Variants in TEX10 observed in about 807,000 individuals in gnomAD.
TEX10 encodes the protein testis expressed 10.
A neutral mutation model predicts 104.4 loss-of-function variants in TEX10; 24 were observed. The ratio of observed to expected loss-of-function variants is 0.23; its 90% CI spans 0.17 to 0.32. TEX10 has a LOEUF of 0.32. TEX10 is among the 10% of genes least tolerant of loss of function. TEX10 has a pLI of 1.00. For synonymous variants in TEX10, 396 were observed against 393.4 expected, an observed-to-expected ratio of 1.01 and a Z score of -0.08; for missense variants, 921 against 1,083.9, an observed-to-expected ratio of 0.85 and a Z score of 2.11.
chr9:100,327,645 T>A lies in TEX10; in HGVS notation c.1801+142A>T, dbSNP rs531155825. 3.5e-4 allele frequency: 164 copies of A among 472,372 alleles called. 1 individual carries two copies. Among genetic ancestry groups the A allele is most frequent in the African/African-American group, 2.8e-3 (141 of 50,270 alleles). The allele number at this position is 472,372 out of a possible 1,614,324, so 29.3% of individuals were successfully genotyped here. A position where few individuals can be genotyped will look rare whatever the true frequency, so the allele number is the denominator to read the frequency against. On this transcript the variant is annotated intron_variant, in intron 8 of 14. Coordinates refer to ENST00000374902, the MANE Select transcript of TEX10 (RefSeq NM_017746.4). ...TATTGAAAATGAATTTACTGTATGA[T>A]GTTTTGTTCTGGCAATTTAACCATG... is the stretch of plus-strand genomic sequence containing the variant.
chr9:100,334,234 G>A (rs1395469728), intron 5 of TEX10, among the ~76,000 whole-genome samples: 1 of 151,562 alleles, frequency 6.6e-6, no homozygotes. Flanking sequence ...TGCAGAAAAT[G>A]AAAGACAAGA....
At chr9:100,346,050 A>G (rs1405413696) in intron 4 of TEX10, 22 bp downstream of exon 4, 2 of 1,586,946 alleles carry the variant, frequency 1.3e-6, no homozygotes, top group Non-Finnish European at 1.7e-6. Flanking sequence ...TACTAAGAAA[A>G]TAAAGAACCA....
rs1835303535 is a variant in TEX10 at position 100,346,561 on chromosome 9, A to C, written c.893+133T>G. 4.6e-6 allele frequency: 5 copies of C among 1,079,162 alleles called. No individual in the cohort carries two copies. The Admixed American group carries it at 1.3e-4, about 28-fold the overall frequency. The allele number at this position is 1,079,162 out of a possible 1,614,324, so 66.8% of individuals were successfully genotyped here. A position where few individuals can be genotyped will look rare whatever the true frequency, so the allele number is the denominator to read the frequency against. ...CAAATAACTCTTCCCATCAGTAAAT[A>C]AAATCAAATCATGAGTAACTATATG... is the stretch of plus-strand genomic sequence containing the variant. On this transcript the variant is annotated intron_variant, in intron 3 of 14. Transcript: ENST00000374902.
At chr9:100,337,648 G>C (rs1835044466) in intron 5 of TEX10, among the ~76,000 whole-genome samples, 1 of 152,200 alleles carries the variant, frequency 6.6e-6, no homozygotes, top group African/African-American at 2.4e-5. Flanking sequence ...GGATCTGAAA[G>C]ATGAACTCCT....
chr9:100,329,833 T>G (rs1834811112), intron 6 of TEX10, 98 bp downstream of exon 6: 1 of 1,023,834 alleles, frequency 9.8e-7, no homozygotes, highest in Non-Finnish European at 1.5e-6. Flanking sequence ...TTAGCCTGAC[T>G]ACATGGAATG....
chr9:100,350,312 C>A (rs1162443108), intron 1 of TEX10, among the ~76,000 whole-genome samples: 1 of 152,176 alleles, frequency 6.6e-6, no homozygotes. Flanking sequence ...CCTCTCTAGT[C>A]CACTGGCCCT....
chr9:100,351,637 T>C (rs748349960), intron 1 of TEX10, among the ~76,000 whole-genome samples: 10 of 152,354 alleles, frequency 6.6e-5, no homozygotes, highest in East Asian at 1.9e-4. Flanking sequence ...AACCACCTGA[T>C]AGATCTTCAA....
At chr9:100,320,541 T>A in intron 10 of TEX10, 143 bp from the exon 11 acceptor site, 1 of 918,170 alleles carries the variant, frequency 1.1e-6, no homozygotes, top group Non-Finnish European at 1.6e-6. Flanking sequence ...CATTTCATGC[T>A]ATATTTTAAA....
chr9:100,340,154 A>C (rs1427671520), intron 5 of TEX10, 103 bp downstream of exon 5: 1 of 605,628 alleles, frequency 1.7e-6, no homozygotes, highest in Non-Finnish European at 2.7e-6. Context: ...CTAGACATAA[A>C]TACACAGCAG....
Position 100,329,214 on chromosome 9 carries a change from A to G in TEX10, c.1551T>C (p.Leu517=). 3 of 1,613,076 alleles carry G rather than the reference A, an allele frequency of 1.9e-6. No individual in the cohort carries two copies. The highest frequency in any genetic ancestry group is 2.5e-6 in the Non-Finnish European group (3 of 1,179,684). Residue 517 remains leucine (L), a synonymous_variant, in exon 7 of 15, where the codon CTT becomes CTC. Coordinates refer to ENST00000374902, the MANE Select transcript of TEX10 (RefSeq NM_017746.4). ...ACTTCAATAACAAAGTCCGAACTGG[A>G]AGGATAAGGCCCCTCTGCTGATATA... The part of the protein sequence containing the change: ...YTLYQQRGLI[L]PVRTLLLKFF...
chr9:100,351,061 A>G (rs1420950750), intron 1 of TEX10, among the ~76,000 whole-genome samples: 1 of 152,162 alleles, frequency 6.6e-6, no homozygotes, highest in Non-Finnish European at 1.5e-5. Flanking sequence ...TCTCAGGATC[A>G]GGACATACCA....
Position 100,326,413 on chromosome 9 carries a change from T to C in TEX10, c.1868A>G (p.Tyr623Cys). ...ATCAGCCGGCAGACTGGGTAGGAAA[T>C]ATACAAGCTGAACCAAACGCTGCTG... ...DSQQRLVQLV[Y>C]FLPSLPADLL... is the part of the protein sequence containing the mutation. Residue 623 changes from tyrosine to cysteine, a missense_variant, in exon 9 of 15, where the codon TAT (tyrosine) becomes TGT (cysteine). Coordinates refer to ENST00000374902, the MANE Select transcript of TEX10 (RefSeq NM_017746.4). 6.2e-7 allele frequency: 1 copy of C among 1,613,514 alleles called. No individual in the cohort carries two copies. Among genetic ancestry groups the C allele is most frequent in the Non-Finnish European group, 8.5e-7 (1 of 1,179,926 alleles).
chr9:100,327,918 A>G lies in TEX10; in HGVS notation c.1670T>C (p.Leu557Ser). The part of the protein sequence containing the change: ...VLSRWLAGLP[L>S]QLAHLGSRNP... ...TCGGGAGCCAAGATGAGCAAGTTGC[A>G]ATGGTAAGCCAGCCAGCCAACGGGA... The change falls in exon 8 of 15, where the codon TTG becomes TCG. Residue 557 changes from leucine (L) to serine (S), a missense_variant. Transcript: ENST00000374902. 1 of 1,596,742 alleles carries G rather than the reference A, an allele frequency of 6.3e-7. No homozygotes were observed. The highest frequency in any genetic ancestry group is 8.6e-7 in the Non-Finnish European group (1 of 1,168,432).
chr9:100,310,001 C>T (rs933625036), intron 12 of TEX10, among the ~76,000 whole-genome samples: 11 of 152,072 alleles, frequency 7.2e-5, no homozygotes, highest in African/African-American at 2.4e-4. Context: ...GCCAAGCACA[C>T]GTGAATTACA....
At chr9:100,352,682 C>A in intron 1 of TEX10, 90 bp downstream of exon 1, 5 of 1,341,808 alleles carry the variant, frequency 3.7e-6, no homozygotes, top group Non-Finnish European at 3.8e-6. Context: ...CGACCCTGCC[C>A]GCTTGGGCCG....
chr9:100,339,284 TATATATAC>T (rs1363588963), intron 5 of TEX10, among the ~76,000 whole-genome samples: 1 of 130,888 alleles, frequency 7.6e-6, no homozygotes, highest in Non-Finnish European at 1.6e-5. Flanking sequence ...AGTATATATA[TATATATAC>T]ATATATATAT....
At chr9:100,351,136 G>T (rs902929512) in intron 1 of TEX10, among the ~76,000 whole-genome samples, 4 of 151,872 alleles carry the variant, frequency 2.6e-5, no homozygotes, top group Non-Finnish European at 5.9e-5. Flanking sequence ...CAAGGTAGGT[G>T]GAACTAAACC....
intron 5 of TEX10, among the ~76,000 whole-genome samples, chr9:100,334,979 T>A (rs201013357): frequency 3.1e-4 from 47 of 152,172 alleles, no homozygotes; most frequent in South Asian, 1.7e-3. Flanking sequence ...ACTTTGTTCA[T>A]TTTTGTGAAA....
At position 100,326,515 on chromosome 9, in the gene TEX10, A is replaced by C. The variant is rs200606235; in HGVS notation, c.1802-36T>G. 1.0e-3 allele frequency: 1,616 copies of C among 1,569,008 alleles called. 10 individuals carry two copies. Among genetic ancestry groups the C allele is most frequent in the Non-Finnish European group, 1.2e-3 (1,382 of 1,156,242 alleles). The stretch of plus-strand genomic sequence containing the variant: ...GGATAGACATATTAAAAACAACTAT[A>C]AAAGACATGCAAACCAGAGATTAAT... On this transcript the variant is annotated intron_variant, in intron 8 of 14. Coordinates refer to ENST00000374902, the MANE Select transcript of TEX10 (RefSeq NM_017746.4).
Sources: gnomAD v4.1 joint callset for allele counts (sites outside exome capture counted in the v4.1 genomes callset) on GRCh38, gnomAD v4.1.1 for gene constraint, MANE v1.5 for transcripts, NCBI Gene and HGNC (gene_info 2026-07-23, HGNC 2026-07-21) for gene names.